NDC80: variants seen among roughly 807,000 people sequenced by gnomAD.
NDC80 encodes NDC80 kinetochore complex component.
NDC80 carries 69 observed loss-of-function variants against 89.3 expected under a neutral mutation model. That is an observed-to-expected ratio of 0.77 (90% confidence interval 0.64 to 0.94). The LOEUF is 0.94. Ranked by LOEUF, NDC80 falls within the 40% of genes least tolerant of loss-of-function variation. The pLI is 0.00. For synonymous variants in NDC80, 243 were observed against 255.6 expected, an observed-to-expected ratio of 0.95 and a Z score of 0.47; for missense variants, 593 against 739.6, an observed-to-expected ratio of 0.80 and a Z score of 2.30.
rs764391265 is a variant in NDC80, at chr18:2,587,970, T to C, written c.763+47T>C. 6.2e-6 allele frequency: 9 copies of C among 1,452,146 alleles called. No homozygotes were observed. In the South Asian group the frequency reaches 8.0e-5, roughly 13 times the overall value. 90.0% of individuals were successfully genotyped at this position (1,452,146 alleles called of 1,614,324 possible). ...GTGCTTGCTTTTGGTCATTTCACTC[T>C]GCTCATGGAGTGGTAATTTATTTAC... is the stretch of plus-strand genomic sequence containing the variant. On this transcript the variant is annotated intron_variant, in intron 8 of 16. Coordinates refer to ENST00000261597, the MANE Select transcript of NDC80 (RefSeq NM_006101.3).
intron 9 of NDC80, among the ~76,000 whole-genome samples, chr18:2,589,643 G>A (rs1451306118): frequency 1.3e-5 from 2 of 152,162 alleles, no homozygotes; most frequent in Admixed American, 1.3e-4. Context: ...GAGTTTTGGA[G>A]GTAGTGCAAA....
chr18:2,599,378 C>A (rs551876962), intron 12 of NDC80, among the ~76,000 whole-genome samples: 161 of 152,164 alleles, frequency 1.1e-3, no homozygotes, highest in Non-Finnish European at 1.9e-3. Context: ...ACTATAAAGA[C>A]AAAGAGGGCC....
At position 2,589,269 on chromosome 18, in the gene NDC80, G is replaced by A; in HGVS notation, c.829G>A (p.Glu277Lys). Residue 277 changes from glutamate to lysine, a missense_variant, in exon 9 of 17, where the codon GAA becomes AAA. Transcript: ENST00000261597. ...SLEAKNRALNEQIARLEQERE... is the reference protein window; with the variant it reads ...SLEAKNRALNKQIARLEQERE... The stretch of plus-strand genomic sequence containing the variant: ...AGAAGCAAAAAACAGAGCATTGAAT[G>A]AACAGATTGCAAGATTGGAACAAGA... 2 of 1,613,784 alleles carry A rather than the reference G, an allele frequency of 1.2e-6. No homozygotes were observed. Among genetic ancestry groups the A allele is most frequent in the Non-Finnish European group, 1.7e-6 (2 of 1,179,748 alleles).
intron 11 of NDC80, among the ~76,000 whole-genome samples, chr18:2,597,081 T>C (rs1489846827): frequency 2.6e-5 from 4 of 151,966 alleles, no homozygotes; most frequent in South Asian, 2.1e-4. Context: ...TGCTAAATGA[T>C]GAGTTAATGG....
chr18:2,608,484 G>A (rs1194681936), intron 14 of NDC80, among the ~76,000 whole-genome samples: 1 of 152,152 alleles, frequency 6.6e-6, no homozygotes, highest in African/African-American at 2.4e-5. Context: ...GGGATGACGG[G>A]CATGAGCCAC....
intron 16 of NDC80, chr18:2,614,484 G>GTATATTTGCCCT (rs1568015778): frequency 1.3e-4 from 1 of 7,666 alleles, no homozygotes; most frequent in African/African-American, 7.6e-4. Flanking sequence ...AGAAAGAAAG[G>GTATATTTGCCCT]AAGGAAGGAA....
At chr18:2,578,627 A>C (rs11660212) in intron 5 of NDC80, among the ~76,000 whole-genome samples, 31,237 of 152,116 alleles carry the variant, frequency 0.21, 3,588 homozygotes, top group South Asian at 0.27. Context: ...GTGTACATAC[A>C]TGTCATTTAT....
chr18:2,600,407 G>A (rs906850869), intron 12 of NDC80, among the ~76,000 whole-genome samples: 4 of 152,046 alleles, frequency 2.6e-5, no homozygotes, highest in Admixed American at 6.6e-5. Flanking sequence ...TCAGGAGTTC[G>A]AGAGCAGCCT....
At chr18:2,574,367 G>T (rs909570619) in intron 2 of NDC80, among the ~76,000 whole-genome samples, 2 of 152,092 alleles carry the variant, frequency 1.3e-5, no homozygotes, top group Non-Finnish European at 2.9e-5. Context: ...GGAGAATATT[G>T]ACTGTTCCCA....
At chr18:2,611,647 A>G (rs1321130914) in intron 16 of NDC80, among the ~76,000 whole-genome samples, 4 of 152,168 alleles carry the variant, frequency 2.6e-5, no homozygotes, top group Non-Finnish European at 5.9e-5. Flanking sequence ...AAGTTCACCA[A>G]TAAAACTATC....
At chr18:2,575,560 C>CCAAGAGTTCGAGACCACCCTGGG (rs2072542084) in intron 3 of NDC80, among the ~76,000 whole-genome samples, 1 of 151,660 alleles carries the variant, frequency 6.6e-6, no homozygotes, top group Non-Finnish European at 1.5e-5. Flanking sequence ...GATCTTGAGT[C>CCAAGAGTTCGAGACCACCCTGGG]CAAGAGTTCG....
chr18:2,608,192 A>G (rs1436273896), intron 14 of NDC80, among the ~76,000 whole-genome samples: 1 of 150,790 alleles, frequency 6.6e-6, no homozygotes, highest in Non-Finnish European at 1.5e-5. Context: ...ATATTTTCAA[A>G]TTAAAAAATA....
At chr18:2,574,620 G>GTT (rs1038724773) in intron 2 of NDC80, among the ~76,000 whole-genome samples, 53 of 151,196 alleles carry the variant, frequency 3.5e-4, no homozygotes, top group African/African-American at 1.3e-3. Flanking sequence ...TACCTTCAGG[G>GTT]TTTTTTTTTA....
chr18:2,601,353 A>ATC, intron 12 of NDC80, 43 bp from the exon 13 acceptor site: 3 of 975,688 alleles, frequency 3.1e-6, no homozygotes, highest in South Asian at 1.9e-5. Context: ...GATATTTTGT[A>ATC]ATTAAATGTT....
At chr18:2,573,720 T>G (rs929649718) in intron 2 of NDC80, among the ~76,000 whole-genome samples, 6 of 152,228 alleles carry the variant, frequency 3.9e-5, no homozygotes, top group African/African-American at 1.4e-4. Flanking sequence ...ATTTACATAG[T>G]ATGAGCCTAT....
chr18:2,585,844 G>A (rs1054012325), intron 7 of NDC80, among the ~76,000 whole-genome samples: 3 of 151,944 alleles, frequency 2.0e-5, no homozygotes, highest in East Asian at 1.9e-4. Context: ...CCTTTATGTC[G>A]TGGAATGAAG....
chr18:2,575,015 T>C lies in NDC80; in HGVS notation c.128T>C (p.Leu43Ser). The C allele has an allele frequency of 6.2e-7, 1 of 1,610,788 alleles. No individual in the cohort carries two copies. Among genetic ancestry groups the C allele is most frequent in the Non-Finnish European group, 8.5e-7 (1 of 1,178,498 alleles). Reference sequence around the variant, plus strand: ...AAAGAGAAACCAACCTTTGGAAAGTTGAGTATAAACAAACCGACATCTGAA... The same window carrying C: ...AAAGAGAAACCAACCTTTGGAAAGTCGAGTATAAACAAACCGACATCTGAA... ...QTKEKPTFGK[L>S]SINKPTSERK... The change falls in exon 3 of 17, where the codon TTG becomes TCG. Residue 43 changes from leucine (L) to serine (S), a missense_variant. Leu to Ser is a moderately radical substitution (Grantham distance 145, BLOSUM62 -2). Coordinates refer to ENST00000261597, the MANE Select transcript of NDC80 (RefSeq NM_006101.3).
intron 16 of NDC80, chr18:2,614,469 A>C (rs1474344047): frequency 1.3e-4 from 1 of 7,958 alleles, no homozygotes; most frequent in South Asian, 3.7e-3. Flanking sequence ...GAAAGAAAGA[A>C]AGAAAGAAAG....
chr18:2,611,045 ATT>A lies in NDC80; in HGVS notation c.1791+203_1791+204del, dbSNP rs34508122. ...ACGTGATGCAGGGGAACACTTGAGC[ATT>A]TTTTTTTTTTTTTTTTTTGAGACGG... is the stretch of plus-strand genomic sequence containing the variant. On this transcript the variant is annotated intron_variant, in intron 16 of 16. Transcript: ENST00000261597. Among the ~76,000 whole-genome samples, 249 of 112,518 alleles carry A rather than the reference ATT, an allele frequency of 2.2e-3. 1 individual carries two copies. The highest frequency in any genetic ancestry group is 5.4e-3 in the African/African-American group (158 of 29,036). The allele number at this position is 112,518 out of a possible 152,430, so 73.8% of individuals were successfully genotyped here.
Sources: gnomAD v4.1 joint callset for allele counts (sites outside exome capture counted in the v4.1 genomes callset) on GRCh38, gnomAD v4.1.1 for gene constraint, MANE v1.5 for transcripts, NCBI Gene and HGNC (gene_info 2026-07-23, HGNC 2026-07-21) for gene names.